SOX30: variants seen among roughly 807,000 people sequenced by gnomAD.
SOX30 encodes transcription factor SOX-30.
Under a neutral mutation model 58.6 loss-of-function variants are expected in SOX30, and 17 were observed. That is an observed-to-expected ratio of 0.29 (90% CI 0.20 to 0.44). The LOEUF is 0.44. SOX30 is among the 20% of genes least tolerant of loss of function. SOX30 has a pLI of 1.00. For synonymous variants in SOX30, 421 were observed against 400.2 expected, an observed-to-expected ratio of 1.05 and a Z score of -0.62; for missense variants, 951 against 965.8, an observed-to-expected ratio of 0.98 and a Z score of 0.20.
At chr5:157,646,929 A>G (rs1759206286) in intron 2 of SOX30, 113 bp from the exon 3 acceptor site, 3 of 757,398 alleles carry the variant, frequency 4.0e-6, no homozygotes, top group South Asian at 3.2e-5. Flanking sequence ...ATTATTGTCT[A>G]AAGTATCTTT....
rs542884195 is a variant in SOX30, at chr5:157,652,437, A to G, written c.-359T>C. ...CCCTCCCCCACCCGGAGCTGCGACA[A>G]TGGCGTTGCCCAGGAAACGTTGCGC... On this transcript the variant is annotated 5_prime_UTR_variant, in exon 1 of 5. Transcript: ENST00000265007. 1.6e-4 allele frequency: 162 copies of G among 1,003,042 alleles called. No individual in the cohort carries two copies. Among genetic ancestry groups the G allele is most frequent in the Non-Finnish European group, 1.8e-4 (153 of 837,324 alleles). 62.1% of individuals were successfully genotyped at this position (1,003,042 alleles called of 1,614,324 possible).
At position 157,666,322 on chromosome 5, in the gene SOX30, G is replaced by A. The variant is rs143174013; in HGVS notation, c.52+1476C>T. Among the ~76,000 whole-genome samples the A allele has an allele frequency of 3.0e-3, 459 of 151,872 alleles. 3 individuals carry two copies. The highest frequency in any genetic ancestry group is 0.01 in the African/African-American group (432 of 41,362). ...ACCACAGGAACATGCCACCATGCCT[G>A]GCTAATTTTTGTATTTTTGTAGAGA... On this transcript the variant is annotated intron_variant, in intron 2 of 5. Coordinates refer to the SOX30 transcript ENST00000519442.
At chr5:157,656,695 A>C (rs73306868), upstream of SOX30, among the ~76,000 whole-genome samples, 1,552 of 152,340 alleles carry the variant, frequency 0.01, 32 homozygotes, top group African/African-American at 0.036. Flanking sequence ...AAGGTGTGTA[A>C]GGAAAGTGAA....
At chr5:157,637,088 G>T (rs537541465) in intron 4 of SOX30, among the ~76,000 whole-genome samples, 2 of 142,028 alleles carry the variant, frequency 1.4e-5, no homozygotes, top group Non-Finnish European at 3.0e-5. Context: ...AGCCAAGATC[G>T]CGCCATTGCA....
At chr5:157,643,631 G>A (rs1313713656) in intron 3 of SOX30, among the ~76,000 whole-genome samples, 2 of 151,964 alleles carry the variant, frequency 1.3e-5, no homozygotes, top group African/African-American at 4.8e-5. Context: ...AATGTATACA[G>A]TACGATATTA....
chr5:157,658,701 C>T (rs1037875414), intron 2 of SOX30, among the ~76,000 whole-genome samples: 2 of 152,132 alleles, frequency 1.3e-5, no homozygotes, highest in African/African-American at 4.8e-5. Context: ...CCCTCTGCAA[C>T]CCTTAGGATT....
rs750016100 is a variant in SOX30 at position 157,646,828 on chromosome 5, A to G, written c.1208-12T>C. On this transcript the variant is annotated splice_polypyrimidine_tract_variant and intron_variant, in intron 2 of 4. Transcript: ENST00000265007. ...CTGATAAACCCAACCTATAGAAGAC[A>G]AAATATGTTTAAATGTGTAGACTCC... 3 of 1,602,388 alleles carry G rather than the reference A, an allele frequency of 1.9e-6. No homozygotes were observed. Among genetic ancestry groups the G allele is most frequent in the East Asian group, 2.2e-5 (1 of 44,804 alleles).
At chr5:157,668,832 C>T (rs966359028) in intron 1 of SOX30, among the ~76,000 whole-genome samples, 2 of 151,948 alleles carry the variant, frequency 1.3e-5, no homozygotes, top group Admixed American at 6.6e-5. Context: ...CCTATTTCAT[C>T]GATGGGTGAC....
intron 3 of SOX30, among the ~76,000 whole-genome samples, chr5:157,644,673 T>C (rs1016032349): frequency 1.3e-5 from 2 of 152,174 alleles, no homozygotes; most frequent in African/African-American, 4.8e-5. Context: ...AATTATATTA[T>C]GAAAACAGAA....
intron 2 of SOX30, among the ~76,000 whole-genome samples, chr5:157,665,158 T>C (rs1482631916): frequency 6.6e-6 from 1 of 152,216 alleles, no homozygotes; most frequent in Non-Finnish European, 1.5e-5. Context: ...CGTATGTTTA[T>C]TGTGGCACTA....
intron 2 of SOX30, among the ~76,000 whole-genome samples, chr5:157,661,392 A>G (rs1277402713): frequency 6.6e-6 from 1 of 152,216 alleles, no homozygotes; most frequent in Non-Finnish European, 1.5e-5. Context: ...AGATGATTAT[A>G]TGGCTTTTTC....
In SOX30 at chr5:157,652,200, AACGCAGCTGTCT is replaced by A. The variant is rs1329812141; in HGVS notation, c.-134_-123del. ...CTACCCAGAACCCTACGCGGTTCAAAACGCAGCTGTCTGTCTGGGCCTCACCCAATCACAACG... is the reference window on the plus strand; with the variant it reads ...CTACCCAGAACCCTACGCGGTTCAAAGTCTGGGCCTCACCCAATCACAACG... On this transcript the variant is annotated 5_prime_UTR_variant, in exon 1 of 5. Transcript: ENST00000265007. The A allele has an allele frequency of 7.6e-7, 1 of 1,320,610 alleles. No individual in the cohort carries two copies. The highest frequency in any genetic ancestry group is 9.6e-7 in the Non-Finnish European group (1 of 1,042,604). The allele number at this position is 1,320,610 out of a possible 1,614,324, so 81.8% of individuals were successfully genotyped here. A position where few individuals can be genotyped will look rare whatever the true frequency, so the allele number is the denominator to read the frequency against.
chr5:157,631,193 C>T (rs1336086040), intron 4 of SOX30, among the ~76,000 whole-genome samples: 2 of 150,694 alleles, frequency 1.3e-5, no homozygotes, highest in Admixed American at 6.7e-5. Flanking sequence ...AAGCAATCTT[C>T]CTGCCTCAGC....
intron 3 of SOX30, among the ~76,000 whole-genome samples, chr5:157,639,828 T>C (rs1759021735): frequency 6.6e-6 from 1 of 152,310 alleles, no homozygotes. Context: ...CTGAAAGAAA[T>C]GTGGATCTTT....
At chr5:157,648,129 C>T (rs1212100280) in intron 2 of SOX30, among the ~76,000 whole-genome samples, 1 of 152,172 alleles carries the variant, frequency 6.6e-6, no homozygotes, top group Non-Finnish European at 1.5e-5. Flanking sequence ...ATTTTCCAAG[C>T]TTAATCCCAA....
rs901520078 is a variant in SOX30 at position 157,631,982 on chromosome 5, G to A, written c.1881-5261C>T. ...CACTTAGGCCCAGGAGTTCGAGGCT[G>A]CAATGAGCTATGATCATGCCACTGC... is the stretch of plus-strand genomic sequence containing the variant. On this transcript the variant is annotated intron_variant, in intron 4 of 4. Coordinates refer to ENST00000265007, the MANE Select transcript of SOX30 (RefSeq NM_178424.2). 4.3e-5 allele frequency among the ~76,000 whole-genome samples: 6 copies of A among 138,610 alleles called. No homozygotes were observed. The East Asian group carries it at 1.3e-3, about 30-fold the overall frequency. The allele number at this position is 138,610 out of a possible 152,430, so 90.9% of individuals were successfully genotyped here. A position where few individuals can be genotyped will look rare whatever the true frequency, so the allele number is the denominator to read the frequency against.
intron 4 of SOX30, among the ~76,000 whole-genome samples, chr5:157,628,394 CA>C (rs1758712293): frequency 2.0e-5 from 3 of 151,544 alleles, no homozygotes; most frequent in Admixed American, 2.0e-4. Context: ...CACACACACA[CA>C]CACACACACA....
Position 157,626,366 on chromosome 5 carries a change from C to A in SOX30, c.2236G>T (p.Glu746Ter). The change falls in exon 5 of 5, where the codon GAA becomes TAA. Residue 746 changes from glutamate (E) to a stop codon, truncating the protein, a stop_gained. Transcript: ENST00000265007. LOFTEE classifies it high-confidence loss of function. ...TATAAATCCCTGAGCACTTTTTCTT[C>A]TTCCTCCTCATCACTGTCGGTGACA... ...VNVTDSDEEE[E>*]EKVLRDL 1 of 1,607,818 alleles carries A rather than the reference C, an allele frequency of 6.2e-7. No homozygotes were observed. The highest frequency in any genetic ancestry group is 8.5e-7 in the Non-Finnish European group (1 of 1,177,736).
upstream of SOX30, among the ~76,000 whole-genome samples, chr5:157,654,279 T>C (rs185290589): frequency 1.2e-3 from 177 of 152,332 alleles, no homozygotes; most frequent in African/African-American, 4.1e-3. Flanking sequence ...TAGCAACTCA[T>C]TTAAAACGTC....
Sources: gnomAD v4.1 joint callset for allele counts (sites outside exome capture counted in the v4.1 genomes callset) on GRCh38, gnomAD v4.1.1 for gene constraint, MANE v1.5 for transcripts, NCBI Gene and HGNC (gene_info 2026-07-23, HGNC 2026-07-21) for gene names.